TMEM19: variants seen among roughly 807,000 people sequenced by gnomAD.
TMEM19 encodes the protein transmembrane protein 19.
Under a neutral mutation model 33.6 loss-of-function variants are expected in TMEM19, and 21 were observed. The ratio of observed to expected loss-of-function variants is 0.62; its 90% confidence interval spans 0.44 to 0.90. The LOEUF (loss-of-function observed/expected upper bound fraction) is 0.90. Among genes scored for constraint, TMEM19 ranks in the 40% least tolerant of loss-of-function variants. The pLI is 0.00. For missense variants in TMEM19, 402 were observed against 401.8 expected (o/e 1.00, Z 0.00); for synonymous variants, 149 against 147.5 (o/e 1.01, Z -0.07).
At chr12:71,696,197 A>G (rs558033190) in intron 2 of TMEM19, among the ~76,000 whole-genome samples, 2 of 152,256 alleles carry the variant, frequency 1.3e-5, no homozygotes, top group Non-Finnish European at 2.9e-5. Context: ...AATATTATCT[A>G]AAATATTATC....
At position 71,699,390 on chromosome 12, in the gene TMEM19, G is replaced by A. The variant is rs1305540134; in HGVS notation, c.847+281G>A. On this transcript the variant is annotated intron_variant, in intron 5 of 5. Coordinates refer to ENST00000266673, the MANE Select transcript of TMEM19 (RefSeq NM_018279.4). ...TTGTGTGAGCCATTACCTAATCCCA[G>A]AAAAGCAAGACGTTTGGGATCAGAT... 1.3e-5 allele frequency: 7 copies of A among 544,518 alleles called. No homozygotes were observed. The East Asian group carries it at 1.5e-4, about 12-fold the overall frequency. 33.7% of individuals were successfully genotyped at this position (544,518 alleles called of 1,614,324 possible). A position where few individuals can be genotyped will look rare whatever the true frequency, so the allele number is the denominator to read the frequency against.
chr12:71,703,135 C>G lies in TMEM19; in HGVS notation c.*2140C>G, dbSNP rs1241434245. On this transcript the variant is annotated 3_prime_UTR_variant, in exon 6 of 6. Transcript: ENST00000266673. ...GAGGTTGCAGTGAGCCAAGATTGCA[C>G]CACTGTACTCCAGCCTGGGCAACAG... 7.5e-6 allele frequency: 1 copy of G among 134,000 alleles called. No individual in the cohort carries two copies. Among genetic ancestry groups the G allele is most frequent in the East Asian group, 2.3e-4 (1 of 4,410 alleles). The allele number at this position is 134,000 out of a possible 1,614,324, so 8.3% of individuals were successfully genotyped here.
Position 71,704,048 on chromosome 12 carries a change from C to G in TMEM19, c.*3053C>G. 1 of 451,458 alleles carries G rather than the reference C, an allele frequency of 2.2e-6. No individual in the cohort carries two copies. The highest frequency in any genetic ancestry group is 4.5e-6 in the Non-Finnish European group (1 of 223,798). 28.0% of individuals were successfully genotyped at this position (451,458 alleles called of 1,614,324 possible). On this transcript the variant is annotated 3_prime_UTR_variant, in exon 6 of 6. Coordinates refer to ENST00000266673, the MANE Select transcript of TMEM19 (RefSeq NM_018279.4). ...GTAACAGCATAATAAAACTGCCTAC[C>G]TAGCAGCATAAAGGTGTACTGTTTC... is the stretch of plus-strand genomic sequence containing the variant.
chr12:71,697,381 G>C lies in TMEM19; in HGVS notation c.484G>C (p.Asp162His). Residue 162 changes from aspartate to histidine, a missense_variant, in exon 4 of 6, where the codon GAT (aspartate) becomes CAT (histidine). Physicochemically the swap from Asp to His is moderately conservative, Grantham distance 81. Transcript: ENST00000266673. Reference sequence around the variant, plus strand: ...AAATGGCCCCGGGGAAATCCCAGTCGATTTTTCCAAGCAGTACTCCGCTTC... The same window carrying C: ...AAATGGCCCCGGGGAAATCCCAGTCCATTTTTCCAAGCAGTACTCCGCTTC... ...IENGPGEIPV[D>H]FSKQYSASWM... The C allele has an allele frequency of 1.2e-6, 2 of 1,611,066 alleles. No homozygotes were observed. Among genetic ancestry groups the C allele is most frequent in the Non-Finnish European group, 1.7e-6 (2 of 1,178,864 alleles).
rs950960793 is a variant in TMEM19, at chr12:71,703,784, C to T, written c.*2789C>T. 1.2e-5 allele frequency: 3 copies of T among 245,612 alleles called. No homozygotes were observed. The Admixed American group carries it at 1.4e-4, about 11-fold the overall frequency. 15.2% of individuals were successfully genotyped at this position (245,612 alleles called of 1,614,324 possible). A position where few individuals can be genotyped will look rare whatever the true frequency, so the allele number is the denominator to read the frequency against. On this transcript the variant is annotated 3_prime_UTR_variant, in exon 6 of 6. Transcript: ENST00000266673. ...CTAAAGATCATAAAGAGCCTCAGAT[C>T]AAGTTTGGTCAGGTTTTGTCACCAA...
rs57138830 is a variant in TMEM19, at chr12:71,691,605, C to CAAAAA, written c.244+1930_244+1934dup. ...ACAGCATAATGAGACTTCACCTCTACAAAAAAAAAAAAAAAAAAAAAAAAA... is the reference window on the plus strand; with the variant it reads ...ACAGCATAATGAGACTTCACCTCTACAAAAAAAAAAAAAAAAAAAAAAAAAAAAAA... On this transcript the variant is annotated intron_variant, in intron 2 of 5. Transcript: ENST00000266673. 3.8e-3 allele frequency among the ~76,000 whole-genome samples: 186 copies of CAAAAA among 49,476 alleles called. 6 individuals are homozygous for CAAAAA. Among genetic ancestry groups the CAAAAA allele is most frequent in the African/African-American group, 7.0e-3 (139 of 19,854 alleles). 32.5% of individuals were successfully genotyped at this position (49,476 alleles called of 152,430 possible). A position where few individuals can be genotyped will look rare whatever the true frequency, so the allele number is the denominator to read the frequency against.
intron 2 of TMEM19, among the ~76,000 whole-genome samples, chr12:71,693,652 A>G (rs1881822894): frequency 6.6e-6 from 1 of 152,126 alleles, no homozygotes; most frequent in Non-Finnish European, 1.5e-5. Flanking sequence ...TGCTATTCAC[A>G]GTGATATAGT....
chr12:71,697,158 T>C, intron 3 of TMEM19, 122 bp from the exon 4 acceptor site: 1 of 1,357,312 alleles, frequency 7.4e-7, no homozygotes, highest in Admixed American at 2.8e-5. Context: ...ACACTTTTAC[T>C]GTTTTTAAAT....
At chr12:71,687,510 T>C (rs1040486305) in intron 1 of TMEM19, among the ~76,000 whole-genome samples, 1 of 151,930 alleles carries the variant, frequency 6.6e-6, no homozygotes, top group African/African-American at 2.4e-5. Context: ...TGAACCAAGA[T>C]TGAGCCACTG....
At position 71,686,600 on chromosome 12, in the gene TMEM19, G is replaced by A; in HGVS notation, c.-81G>A. On this transcript the variant is annotated 5_prime_UTR_variant, in exon 1 of 6. It adds an upstream start codon to the 5' untranslated region. Transcript: ENST00000266673. ...GGGATTTATGTTTGCCTCTGAACAAGTGTCTTGCTCACATCGTAAATGACT... is the reference window on the plus strand; with the variant it reads ...GGGATTTATGTTTGCCTCTGAACAAATGTCTTGCTCACATCGTAAATGACT... 1 of 1,486,510 alleles carries A rather than the reference G, an allele frequency of 6.7e-7. No individual in the cohort carries two copies. The highest frequency in any genetic ancestry group is 1.2e-5 in the South Asian group (1 of 84,054). 92.1% of individuals were successfully genotyped at this position (1,486,510 alleles called of 1,614,324 possible). A position where few individuals can be genotyped will look rare whatever the true frequency, so the allele number is the denominator to read the frequency against.
At position 71,701,429 on chromosome 12, in the gene TMEM19, A is replaced by G. The variant is rs781346648; in HGVS notation, c.*434A>G. On this transcript the variant is annotated 3_prime_UTR_variant, in exon 6 of 6. Coordinates refer to ENST00000266673, the MANE Select transcript of TMEM19 (RefSeq NM_018279.4). The stretch of plus-strand genomic sequence containing the variant: ...TGCTAGTTGCCCAAATGTTGTATCT[A>G]TTTTAAATAGTTTAAGCTGATGTGT... The G allele has an allele frequency of 6.5e-6, 1 of 153,952 alleles. No individual in the cohort carries two copies. The highest frequency in any genetic ancestry group is 2.4e-5 in the African/African-American group (1 of 41,462). The allele number at this position is 153,952 out of a possible 1,614,324, so 9.5% of individuals were successfully genotyped here.
In TMEM19 at chr12:71,689,703, A is replaced by G; in HGVS notation, c.243A>G (p.Gly81=). The G allele has an allele frequency of 6.2e-7, 1 of 1,602,180 alleles. No individual in the cohort carries two copies. The highest frequency in any genetic ancestry group is 8.5e-7 in the Non-Finnish European group (1 of 1,170,686). The stretch of plus-strand genomic sequence containing the variant: ...GTCTAGATCACAGTGGGGCTCTAGG[A>G]GGTATGTTTTTATTTTGAATGTTTA... ...KKSLDHSGAL[G]GLVVGFILTI... Residue 81 remains glycine (G), a splice_region_variant and synonymous_variant, in exon 2 of 6, where the codon GGA becomes GGG. Coordinates refer to ENST00000266673, the MANE Select transcript of TMEM19 (RefSeq NM_018279.4).
chr12:71,695,302 A>T (rs1298288872), intron 2 of TMEM19, among the ~76,000 whole-genome samples: 1 of 152,214 alleles, frequency 6.6e-6, no homozygotes, highest in Non-Finnish European at 1.5e-5. Context: ...AAGGTGGCTG[A>T]AGTAAAAAGG....
In TMEM19 at chr12:71,703,410, A is replaced by G. The variant is rs1479698519; in HGVS notation, c.*2415A>G. The G allele has an allele frequency of 2.6e-5, 4 of 152,196 alleles. No homozygotes were observed. In the East Asian group the frequency reaches 7.7e-4, roughly 29 times the overall value. The allele number at this position is 152,196 out of a possible 1,614,324, so 9.4% of individuals were successfully genotyped here. A position where few individuals can be genotyped will look rare whatever the true frequency, so the allele number is the denominator to read the frequency against. On this transcript the variant is annotated 3_prime_UTR_variant, in exon 6 of 6. Transcript: ENST00000266673. ...TTACAGCTACATCATTTATAAAATCATGTGTCAGTTTTCACACAGCCTGCA... is the reference window on the plus strand; with the variant it reads ...TTACAGCTACATCATTTATAAAATCGTGTGTCAGTTTTCACACAGCCTGCA...
Position 71,686,451 on chromosome 12 carries a change from G to T in TMEM19, c.-230G>T, listed in dbSNP as rs1565848826. On this transcript the variant is annotated 5_prime_UTR_variant, in exon 1 of 6. Transcript: ENST00000266673. ...CGGCCCTCACCGTCCGCCGGGTTGC[G>T]CTCTGCTTTTGCGGTGAGGCGTTGA... The T allele has an allele frequency of 2.5e-6, 1 of 394,808 alleles. No homozygotes were observed. The highest frequency in any genetic ancestry group is 2.2e-5 in the African/African-American group (1 of 46,470). The allele number at this position is 394,808 out of a possible 1,614,324, so 24.5% of individuals were successfully genotyped here. A position where few individuals can be genotyped will look rare whatever the true frequency, so the allele number is the denominator to read the frequency against.
At position 71,686,520 on chromosome 12, in the gene TMEM19, G is replaced by T. The variant is rs565242484; in HGVS notation, c.-161G>T. 1.5e-5 allele frequency: 11 copies of T among 727,870 alleles called. No homozygotes were observed. In the South Asian group the frequency reaches 1.6e-4, roughly 11 times the overall value. 45.1% of individuals were successfully genotyped at this position (727,870 alleles called of 1,614,324 possible). ...GAGCTCTCCGCCAGTAGGAGTTTCC[G>T]GAAGGAGTTTGAATTTTTGTGATTT... On this transcript the variant is annotated 5_prime_UTR_variant, in exon 1 of 6. It introduces an in-frame stop codon into an upstream open reading frame of the 5' UTR. Coordinates refer to ENST00000266673, the MANE Select transcript of TMEM19 (RefSeq NM_018279.4).
rs1882033256 is a variant in TMEM19, at chr12:71,704,116, C to T, written c.*3121C>T. 10 of 293,484 alleles carry T rather than the reference C, an allele frequency of 3.4e-5. No individual in the cohort carries two copies. Among genetic ancestry groups the T allele is most frequent in the South Asian group, 2.8e-4 (10 of 35,346 alleles). 18.2% of individuals were successfully genotyped at this position (293,484 alleles called of 1,614,324 possible). ...GATAGAAGAGAGCAGATATATGTGG[C>T]TTGGGGCAGCTCCTGAAGAAGACTT... On this transcript the variant is annotated 3_prime_UTR_variant, in exon 6 of 6. Coordinates refer to ENST00000266673, the MANE Select transcript of TMEM19 (RefSeq NM_018279.4).
At chr12:71,691,605 C>CAAAAAAA (rs57138830) in intron 2 of TMEM19, among the ~76,000 whole-genome samples, 9 of 49,512 alleles carry the variant, frequency 1.8e-4, no homozygotes, top group Non-Finnish European at 2.3e-4. Flanking sequence ...TTCACCTCTA[C>CAAAAAAA]AAAAAAAAAA....
At chr12:71,693,193 C>T (rs558699670) in intron 2 of TMEM19, among the ~76,000 whole-genome samples, 71 of 150,704 alleles carry the variant, frequency 4.7e-4, no homozygotes, top group African/African-American at 1.7e-3. Flanking sequence ...AGACCCTGTC[C>T]CAAAAAAAAA....
Sources: allele counts gnomAD v4.1 joint callset (sites outside exome capture counted in the v4.1 genomes callset), GRCh38; gene constraint gnomAD v4.1.1; transcripts MANE v1.5; gene names NCBI Gene and HGNC (gene_info 2026-07-23, HGNC 2026-07-21).